LINGO2: variants seen among roughly 807,000 people sequenced by gnomAD.
LINGO2 encodes the protein leucine rich repeat and Ig domain containing 2.
In LINGO2, 14 loss-of-function variants were observed where a neutral mutation model predicts 30.6. That is an observed-to-expected ratio of 0.46 (90% CI 0.30 to 0.72). LINGO2 has a LOEUF of 0.72. Ranked by LOEUF, LINGO2 falls within the 30% of genes least tolerant of loss-of-function variation. LINGO2 has a pLI of 0.07. For synonymous variants in LINGO2, 317 were observed against 288.5 expected (o/e 1.10, Z -1.00); for missense variants, 729 against 751.7 (o/e 0.97, Z 0.35).
intron 4 of LINGO2, among the ~76,000 whole-genome samples, chr9:28,095,485 G>T (rs1826217809): frequency 6.6e-6 from 1 of 152,042 alleles, no homozygotes; most frequent in Admixed American, 6.6e-5. Flanking sequence ...AATAAATGGT[G>T]CTGGGAAAAC....
At chr9:28,655,952 G>A (rs1828319049) in intron 1 of LINGO2, among the ~76,000 whole-genome samples, 1 of 152,032 alleles carries the variant, frequency 6.6e-6, no homozygotes, top group Admixed American at 6.6e-5. Context: ...AATAATTAGG[G>A]GGCTGTACAT....
At chr9:28,841,978 T>C in the LINGO2 span, among the ~76,000 whole-genome samples, 1 of 151,788 alleles carries the variant, frequency 6.6e-6, no homozygotes, top group African/African-American at 2.4e-5. Flanking sequence ...ATCATGTGTC[T>C]TGTGGTTTAA....
chr9:28,867,327 T>C, the LINGO2 span, among the ~76,000 whole-genome samples: 2 of 152,144 alleles, frequency 1.3e-5, no homozygotes, highest in African/African-American at 4.8e-5. Flanking sequence ...TGGTTATTTT[T>C]TTCTCCCTTT....
chr9:28,498,076 G>T (rs1229763694), intron 1 of LINGO2, among the ~76,000 whole-genome samples: 1 of 152,166 alleles, frequency 6.6e-6, no homozygotes, highest in African/African-American at 2.4e-5. Flanking sequence ...CTACTCGGGG[G>T]TGCCTCCCAG....
chr9:28,011,169 G>C (rs989006575), intron 5 of LINGO2, among the ~76,000 whole-genome samples: 2 of 152,130 alleles, frequency 1.3e-5, no homozygotes, highest in Non-Finnish European at 2.9e-5. Context: ...AAATGTAAGA[G>C]GCCAGGTCAA....
At chr9:29,026,325 T>C in the LINGO2 span, among the ~76,000 whole-genome samples, 1 of 152,108 alleles carries the variant, frequency 6.6e-6, no homozygotes, top group African/African-American at 2.4e-5. Flanking sequence ...AATTTGACCA[T>C]GATGAGTTGC....
At chr9:28,335,103 C>T (rs1271211232) in intron 3 of LINGO2, among the ~76,000 whole-genome samples, 4 of 144,664 alleles carry the variant, frequency 2.8e-5, no homozygotes, top group Admixed American at 2.1e-4. Context: ...CCTTCTCTTC[C>T]TCTAGTTAGC....
At chr9:28,999,830 T>C in the LINGO2 span, among the ~76,000 whole-genome samples, 1 of 151,960 alleles carries the variant, frequency 6.6e-6, no homozygotes, top group African/African-American at 2.4e-5. Context: ...TTTACCAAAT[T>C]ATGCAAATTT....
chr9:28,140,604 A>G (rs1827644764), intron 4 of LINGO2, among the ~76,000 whole-genome samples: 1 of 152,178 alleles, frequency 6.6e-6, no homozygotes, highest in Admixed American at 6.5e-5. Context: ...GCAAATTCCT[A>G]CGCATGCCTT....
At chr9:28,494,374 C>A (rs867408480) in intron 1 of LINGO2, among the ~76,000 whole-genome samples, 6 of 152,074 alleles carry the variant, frequency 3.9e-5, no homozygotes, top group African/African-American at 1.4e-4. Context: ...TCCTTCCCCC[C>A]ACCCCACTAC....
the LINGO2 span, among the ~76,000 whole-genome samples, chr9:28,987,972 T>C: frequency 3.9e-5 from 6 of 152,106 alleles, no homozygotes; most frequent in African/African-American, 9.7e-5. Context: ...TTGGGGAAGG[T>C]TTTAGGTTTG....
the LINGO2 span, among the ~76,000 whole-genome samples, chr9:28,917,994 A>G: frequency 6.6e-6 from 1 of 152,116 alleles, no homozygotes; most frequent in Non-Finnish European, 1.5e-5. Flanking sequence ...TTGAATTTTT[A>G]TCTCACTAAC....
chr9:28,782,419 T>C, the LINGO2 span, among the ~76,000 whole-genome samples: 2 of 152,142 alleles, frequency 1.3e-5, no homozygotes, highest in Non-Finnish European at 2.9e-5. Context: ...GTGCTGAGGA[T>C]GCAAGGGGTG....
At chr9:28,119,038 T>C (rs1227804354) in intron 4 of LINGO2, among the ~76,000 whole-genome samples, 2 of 126,004 alleles carry the variant, frequency 1.6e-5, no homozygotes, top group African/African-American at 6.1e-5. Context: ...TAAAACATTT[T>C]ACCTTTGGCA....
At position 28,317,829 on chromosome 9, in the gene LINGO2, T is replaced by A. The variant is rs531923403; in HGVS notation, c.-245-22463A>T. On this transcript the variant is annotated intron_variant, in intron 3 of 5. Coordinates refer to ENST00000379992, the Ensembl canonical transcript of LINGO2. The stretch of plus-strand genomic sequence containing the variant: ...CCTGTCTGCTAATTTAAGTCACAGT[T>A]CTGTCTGCCACACAGGGTATGGGCC... 9.9e-5 allele frequency among the ~76,000 whole-genome samples: 15 copies of A among 152,278 alleles called. No individual in the cohort carries two copies. In the South Asian group the frequency reaches 2.9e-3, roughly 29 times the overall value.
chr9:28,678,364 T>C, the LINGO2 span, among the ~76,000 whole-genome samples: 1 of 152,028 alleles, frequency 6.6e-6, no homozygotes, highest in African/African-American at 2.4e-5. Context: ...TTTCCTTCTT[T>C]CTTCAGGTAT....
At chr9:28,617,903 T>C (rs1826212015) in intron 1 of LINGO2, among the ~76,000 whole-genome samples, 1 of 152,124 alleles carries the variant, frequency 6.6e-6, no homozygotes, top group East Asian at 1.9e-4. Flanking sequence ...TCTTTACTAG[T>C]GAAAAAAGAT....
At chr9:29,194,594 C>A in the LINGO2 span, among the ~76,000 whole-genome samples, 1 of 152,152 alleles carries the variant, frequency 6.6e-6, no homozygotes, top group Non-Finnish European at 1.5e-5. Flanking sequence ...CCTATGATCT[C>A]CAAATTCCAA....
chr9:29,203,622 G>A, the LINGO2 span, among the ~76,000 whole-genome samples: 2 of 152,164 alleles, frequency 1.3e-5, no homozygotes, highest in African/African-American at 4.8e-5. Context: ...CTTTGTTGAA[G>A]ATGTTGAGAT....
Sources: allele counts gnomAD v4.1 joint callset (sites outside exome capture counted in the v4.1 genomes callset), GRCh38; gene constraint gnomAD v4.1.1; transcripts MANE v1.5; gene names NCBI Gene and HGNC (gene_info 2026-07-23, HGNC 2026-07-21).